Variants in VWA8 observed in about 807,000 individuals in gnomAD.
The protein encoded by VWA8 is von Willebrand factor A domain-containing protein 8.
In VWA8, 221 loss-of-function variants were observed where a neutral mutation model predicts 241.5. The ratio of observed to expected loss-of-function variants is 0.91; its 90% CI spans 0.82 to 1.02. VWA8 has a LOEUF of 1.02. Ranked by LOEUF, VWA8 falls within the 50% of genes least tolerant of loss-of-function variation. The pLI is 0.00. For missense variants in VWA8, 2,322 were observed against 2,328.7 expected, an observed-to-expected ratio of 1.00 and a Z score of 0.06; for synonymous variants, 852 against 827.1, an observed-to-expected ratio of 1.03 and a Z score of -0.52.
chr13:41,765,938 C>T (rs1027646153), intron 20 of VWA8, among the ~76,000 whole-genome samples: 2 of 152,108 alleles, frequency 1.3e-5, no homozygotes, highest in African/African-American at 2.4e-5. Flanking sequence ...TAACATTTAT[C>T]ATTACTGTTC....
At chr13:41,684,466 T>C (rs2045121607) in intron 35 of VWA8, among the ~76,000 whole-genome samples, 1 of 152,138 alleles carries the variant, frequency 6.6e-6, no homozygotes, top group Non-Finnish European at 1.5e-5. Flanking sequence ...GTGGTGCAAA[T>C]CTGGGCACTG....
At chr13:41,836,790 A>G (rs2138009409) in intron 12 of VWA8, among the ~76,000 whole-genome samples, 1 of 152,302 alleles carries the variant, frequency 6.6e-6, no homozygotes, top group Non-Finnish European at 1.5e-5. Flanking sequence ...AAGTAAAATG[A>G]ATGATTATTT....
At position 41,603,900 on chromosome 13, in the gene VWA8, C is replaced by T. The variant is rs550142187; in HGVS notation, c.4986+1268G>A. Among the ~76,000 whole-genome samples the T allele has an allele frequency of 9.5e-4, 144 of 152,264 alleles. 1 individual carries two copies. Among genetic ancestry groups the T allele is most frequent in the African/African-American group, 3.4e-3 (141 of 41,562 alleles). On this transcript the variant is annotated intron_variant, in intron 40 of 44. Coordinates refer to ENST00000379310, the MANE Select transcript of VWA8 (RefSeq NM_015058.2). ...CATGAAGCCTTTCCTCATTTCGTCT[C>T]ATAGCATTGTGTGCAAAATTCTCTA...
rs377420908 is a variant in VWA8 at position 41,703,391 on chromosome 13, G to A, written c.3137C>T (p.Thr1046Met). 1.2e-4 allele frequency: 189 copies of A among 1,613,818 alleles called. 1 individual carries two copies. The highest frequency in any genetic ancestry group is 1.5e-4 in the Non-Finnish European group (182 of 1,179,942). ...LAKELTLPEQTFMGYWTIGQA... is the reference protein window; with the variant it reads ...LAKELTLPEQMFMGYWTIGQA... ...ACCAATTGTCCAGTAGCCCATGAAC[G>A]TTTGTTCTGGCAGAGTCAACCTGTT... Residue 1046 changes from threonine to methionine, a missense_variant, in exon 27 of 45, where the codon ACG becomes ATG. Coordinates refer to ENST00000379310, the MANE Select transcript of VWA8 (RefSeq NM_015058.2).
chr13:41,882,744 G>T (rs1199334391), intron 9 of VWA8, among the ~76,000 whole-genome samples: 1 of 151,296 alleles, frequency 6.6e-6, no homozygotes, highest in South Asian at 2.1e-4. Context: ...AGTGAGCCGA[G>T]ATGGCAGCAG....
At chr13:41,752,529 T>C (rs1394716116) in intron 21 of VWA8, among the ~76,000 whole-genome samples, 1 of 152,144 alleles carries the variant, frequency 6.6e-6, no homozygotes, top group African/African-American at 2.4e-5. Flanking sequence ...TGAATAGATA[T>C]TAGGCGAATG....
At chr13:41,704,776 T>G (rs1300405950) in intron 26 of VWA8, among the ~76,000 whole-genome samples, 1 of 152,170 alleles carries the variant, frequency 6.6e-6, no homozygotes, top group African/African-American at 2.4e-5. Flanking sequence ...TTTTTAATCA[T>G]ACTATCTTTT....
intron 2 of VWA8, among the ~76,000 whole-genome samples, chr13:41,939,131 T>C (rs1288327877): frequency 6.6e-6 from 1 of 152,174 alleles, no homozygotes. Flanking sequence ...GCCTCATGTA[T>C]AATTGGTCTA....
At chr13:41,729,254 G>T (rs1268036124) in intron 23 of VWA8, among the ~76,000 whole-genome samples, 1 of 151,880 alleles carries the variant, frequency 6.6e-6, no homozygotes, top group Non-Finnish European at 1.5e-5. Flanking sequence ...ATAATTGGGA[G>T]ATGAGTACAA....
At chr13:41,724,378 G>T (rs949973381) in intron 24 of VWA8, among the ~76,000 whole-genome samples, 1 of 152,196 alleles carries the variant, frequency 6.6e-6, no homozygotes, top group Admixed American at 6.5e-5. Flanking sequence ...GTTTGTGTGT[G>T]TGTGTGTTTT....
chr13:41,869,515 C>A (rs1343942137), intron 9 of VWA8, among the ~76,000 whole-genome samples: 1 of 151,494 alleles, frequency 6.6e-6, no homozygotes, highest in Non-Finnish European at 1.5e-5. Context: ...ACCTGTAGTC[C>A]CAGCTACTTG....
chr13:41,834,549 G>A (rs1016899377), intron 12 of VWA8, among the ~76,000 whole-genome samples: 2 of 152,124 alleles, frequency 1.3e-5, no homozygotes, highest in Non-Finnish European at 2.9e-5. Flanking sequence ...AGAAAGTACT[G>A]ACTAAATGGC....
At position 41,721,557 on chromosome 13, in the gene VWA8, T is replaced by G. The variant is rs528090503; in HGVS notation, c.2777A>C (p.His926Pro). 1 of 1,612,936 alleles carries G rather than the reference T, an allele frequency of 6.2e-7. No individual in the cohort carries two copies. ...FGTLGDIFSC[H>P]AVDNPKPHSE... Reference sequence around the variant, plus strand: ...GTGGGGTTTGGGGTTATCAACTGCATGGCAGCTAAAAATATCACCTAAAGG... The same window carrying G: ...GTGGGGTTTGGGGTTATCAACTGCAGGGCAGCTAAAAATATCACCTAAAGG... Residue 926 changes from histidine to proline, a missense_variant, in exon 25 of 45, where the codon CAT (histidine) becomes CCT (proline). His to Pro is a moderately conservative substitution (Grantham distance 77). Coordinates refer to ENST00000379310, the MANE Select transcript of VWA8 (RefSeq NM_015058.2).
intron 17 of VWA8, among the ~76,000 whole-genome samples, chr13:41,798,580 G>A (rs1869809233): frequency 6.6e-6 from 1 of 152,084 alleles, no homozygotes; most frequent in Admixed American, 6.5e-5. Flanking sequence ...CTTTAATGCT[G>A]TGCAGTATCA....
At position 41,700,973 on chromosome 13, in the gene VWA8, C is replaced by T. The variant is rs1432808954; in HGVS notation, c.3364+419G>A. 2.0e-5 allele frequency among the ~76,000 whole-genome samples: 3 copies of T among 152,296 alleles called. No individual in the cohort carries two copies. The East Asian group carries it at 5.8e-4, about 29-fold the overall frequency. On this transcript the variant is annotated intron_variant, in intron 28 of 44. Coordinates refer to ENST00000379310, the MANE Select transcript of VWA8 (RefSeq NM_015058.2). The stretch of plus-strand genomic sequence containing the variant: ...CAGAAGTGTGGATGCCAAAAATTCA[C>T]ATTCTTTATTTGCCATCCTTTACAA...
chr13:41,579,437 A>G (rs1413886150), intron 42 of VWA8, among the ~76,000 whole-genome samples: 1 of 152,230 alleles, frequency 6.6e-6, no homozygotes, highest in African/African-American at 2.4e-5. Flanking sequence ...AATGTACTGA[A>G]AGGTCAAGGA....
chr13:41,784,719 TATATATATATAC>T (rs1298348244), intron 18 of VWA8, among the ~76,000 whole-genome samples: 2 of 72,672 alleles, frequency 2.8e-5, no homozygotes, highest in African/African-American at 8.5e-5. Flanking sequence ...TATATATATA[TATATATATATAC>T]ACACACATAT....
chr13:41,569,954 T>G (rs2044289579), intron 44 of VWA8, among the ~76,000 whole-genome samples: 2 of 152,150 alleles, frequency 1.3e-5, no homozygotes, highest in African/African-American at 4.8e-5. Context: ...AAGGGATACA[T>G]GTGAGTGTGT....
chr13:41,606,799 CT>C (rs1324961631), intron 39 of VWA8, among the ~76,000 whole-genome samples: 1 of 152,146 alleles, frequency 6.6e-6, no homozygotes, highest in Admixed American at 6.6e-5. Context: ...CATTCCTGCC[CT>C]ATCACCCCAC....
Sources: gnomAD v4.1 joint callset for allele counts (sites outside exome capture counted in the v4.1 genomes callset) on GRCh38, gnomAD v4.1.1 for gene constraint, MANE v1.5 for transcripts, NCBI Gene and HGNC (gene_info 2026-07-23, HGNC 2026-07-21) for gene names.